Variants in TMC5 observed in about 807,000 individuals in gnomAD.
The protein encoded by TMC5 is transmembrane channel-like protein 5.
A neutral mutation model predicts 110.5 loss-of-function variants in TMC5; 86 were observed. The ratio of observed to expected loss-of-function variants is 0.78; its 90% CI spans 0.65 to 0.93. The LOEUF (loss-of-function observed/expected upper bound fraction) is 0.93, where lower values mean the gene tolerates loss of function less well. Ranked by LOEUF, TMC5 falls within the 40% of genes least tolerant of loss-of-function variation. The pLI is 0.00. For synonymous variants in TMC5, 455 were observed against 439.5 expected, an observed-to-expected ratio of 1.04 and a Z score of -0.44; for missense variants, 1,144 against 1,222.8, an observed-to-expected ratio of 0.94 and a Z score of 0.96.
intron 6 of TMC5, among the ~76,000 whole-genome samples, 160 bp from the exon 7 acceptor site, chr16:19,463,120 C>T (rs1367962689): frequency 6.6e-6 from 1 of 152,156 alleles, no homozygotes; most frequent in East Asian, 1.9e-4. Context: ...CAAGGTCCCA[C>T]TATTTTGCTC....
At chr16:19,438,501 T>G (rs1023898373) in intron 2 of TMC5, among the ~76,000 whole-genome samples, 19 of 138,008 alleles carry the variant, frequency 1.4e-4, no homozygotes, top group Non-Finnish European at 2.5e-4. Context: ...AATCCAAGCA[T>G]TTTGGGAGGC....
chr16:19,443,780 G>A (rs1335835814), intron 3 of TMC5, among the ~76,000 whole-genome samples: 1 of 151,878 alleles, frequency 6.6e-6, no homozygotes, highest in Non-Finnish European at 1.5e-5. Context: ...ATGGATGGAT[G>A]GTAAATGGAT....
In TMC5 at chr16:19,474,116, C is replaced by G. The variant is rs766605874; in HGVS notation, c.1939-9C>G. The G allele has an allele frequency of 3.7e-6, 6 of 1,612,722 alleles. No homozygotes were observed. The highest frequency in any genetic ancestry group is 5.1e-6 in the Non-Finnish European group (6 of 1,179,630). ...GTCAGCCCTCCGTTCTCTCCCCCAT[C>G]CCCTGCAGTTCCTGAAGACACACAG... On this transcript the variant is annotated splice_polypyrimidine_tract_variant and intron_variant, in intron 11 of 21. Transcript: ENST00000542583.
At chr16:19,427,835 A>G (rs116801762) in intron 1 of TMC5, among the ~76,000 whole-genome samples, 3,793 of 139,694 alleles carry the variant, frequency 0.027, 144 homozygotes, top group African/African-American at 0.087. Flanking sequence ...CCACTGCTCT[A>G]GATCCATAGT....
At chr16:19,474,830 C>CT in intron 12 of TMC5, 1 of 152,794 alleles carries the variant, frequency 6.5e-6, no homozygotes, top group South Asian at 2.1e-4. Flanking sequence ...GGCTCCTGGG[C>CT]TGAGGACGGG....
chr16:19,456,601 C>G, intron 5 of TMC5: 1 of 1,502,494 alleles, frequency 6.7e-7, no homozygotes, highest in Non-Finnish European at 8.9e-7. Flanking sequence ...CCTTTGTGAT[C>G]ATCATCACTT....
intron 5 of TMC5, among the ~76,000 whole-genome samples, chr16:19,451,803 A>C (rs796414794): frequency 7.0e-6 from 1 of 142,586 alleles, no homozygotes; most frequent in African/African-American, 2.9e-5. Context: ...TTTTCTTTTT[A>C]TTATTATTAT....
intron 17 of TMC5, among the ~76,000 whole-genome samples, chr16:19,489,907 G>C (rs1166983008): frequency 6.6e-6 from 1 of 151,534 alleles, no homozygotes; most frequent in African/African-American, 2.4e-5. Flanking sequence ...TCCCACCTCA[G>C]CCTCCTATGT....
chr16:19,489,947 C>A (rs1968845855), intron 17 of TMC5, among the ~76,000 whole-genome samples: 1 of 151,834 alleles, frequency 6.6e-6, no homozygotes, highest in African/African-American at 2.4e-5. Context: ...TGCTGCCATG[C>A]CCAGCTAATT....
At chr16:19,410,765 C>G (rs906201634) in exon 1 of TMC5, 2 of 152,500 alleles carry the variant, frequency 1.3e-5, no homozygotes, top group African/African-American at 4.8e-5. Context: ...GCAACAGGAG[C>G]GCCAGGAGGT....
chr16:19,469,607 C>A, intron 9 of TMC5, 74 bp from the exon 10 acceptor site: 2 of 1,574,618 alleles, frequency 1.3e-6, no homozygotes, highest in Non-Finnish European at 1.7e-6. Flanking sequence ...AATAGGGCTG[C>A]CCTTTGTTGA....
At chr16:19,418,727 GTTTTTT>G (rs57232416) in intron 1 of TMC5, among the ~76,000 whole-genome samples, 7 of 119,114 alleles carry the variant, frequency 5.9e-5, no homozygotes, top group African/African-American at 2.1e-4. Flanking sequence ...TGATTTTTGT[GTTTTTT>G]TTTTTTTTTT....
chr16:19,425,002 G>A (rs1415907752), intron 1 of TMC5, among the ~76,000 whole-genome samples: 2 of 152,132 alleles, frequency 1.3e-5, no homozygotes, highest in Admixed American at 6.5e-5. Flanking sequence ...AGACATTCCC[G>A]TAACCCAGGA....
intron 2 of TMC5, among the ~76,000 whole-genome samples, chr16:19,437,005 G>A (rs1967364602): frequency 6.6e-6 from 1 of 152,192 alleles, no homozygotes; most frequent in Non-Finnish European, 1.5e-5. Context: ...GAGAAACCCT[G>A]TCTCTATAAA....
At chr16:19,413,277 A>G (rs1298280897), upstream of TMC5, among the ~76,000 whole-genome samples, 1 of 152,054 alleles carries the variant, frequency 6.6e-6, no homozygotes, top group Non-Finnish European at 1.5e-5. Context: ...TATTCCCAGC[A>G]CTTTGGGAGG....
At chr16:19,490,683 T>A (rs1170050687) in intron 18 of TMC5, 115 bp downstream of exon 18, 3 of 985,494 alleles carry the variant, frequency 3.0e-6, no homozygotes. Flanking sequence ...GTGTTCTGGG[T>A]GACTCTACCC....
intron 8 of TMC5, 45 bp from the exon 9 acceptor site, chr16:19,466,037 T>A: frequency 6.2e-7 from 1 of 1,606,488 alleles, no homozygotes; most frequent in Non-Finnish European, 8.5e-7. Context: ...GTTTACCTTT[T>A]TTTTCAGGAG....
At chr16:19,418,862 A>C (rs1038484709) in intron 1 of TMC5, among the ~76,000 whole-genome samples, 1 of 151,720 alleles carries the variant, frequency 6.6e-6, no homozygotes, top group Admixed American at 6.6e-5. Context: ...TGAGTAGCTG[A>C]GACTATAGGC....
At chr16:19,411,937 G>C (rs1432120149) in intron 1 of TMC5, among the ~76,000 whole-genome samples, 5 of 152,218 alleles carry the variant, frequency 3.3e-5, no homozygotes, top group African/African-American at 1.2e-4. Context: ...AGAGGAGTCT[G>C]TGTGATCTTG....
Sources: allele counts gnomAD v4.1 joint callset (sites outside exome capture counted in the v4.1 genomes callset), GRCh38; gene constraint gnomAD v4.1.1; transcripts MANE v1.5; gene names NCBI Gene and HGNC (gene_info 2026-07-23, HGNC 2026-07-21).